The following RAB3B variants were observed in gnomAD, a reference collection of about 807,000 sequenced individuals.
The protein encoded by RAB3B is ras-related protein Rab-3B.
RAB3B carries 11 observed loss-of-function variants against 20.5 expected under a neutral mutation model. That is an observed-to-expected ratio of 0.54 (90% CI 0.34 to 0.89). RAB3B has a LOEUF of 0.89. RAB3B is among the 40% of genes least tolerant of loss of function. The pLI is 0.02. For synonymous variants in RAB3B, 99 were observed against 106.3 expected (o/e 0.93, Z 0.42); for missense variants, 225 against 280.9 (o/e 0.80, Z 1.42).
At chr1:51,986,960 C>A (rs942922931) in intron 1 of RAB3B, among the ~76,000 whole-genome samples, 2 of 152,326 alleles carry the variant, frequency 1.3e-5, no homozygotes, top group South Asian at 4.1e-4. Flanking sequence ...AAGCATCAAT[C>A]AAATCTTTCC....
intron 2 of RAB3B, among the ~76,000 whole-genome samples, chr1:51,963,255 C>T (rs1684806481): frequency 6.6e-6 from 1 of 152,144 alleles, no homozygotes; most frequent in Admixed American, 6.6e-5. Context: ...CTTGTAGATT[C>T]CCAGCATCAA....
chr1:51,956,943 A>G (rs190526677), intron 2 of RAB3B, among the ~76,000 whole-genome samples: 1 of 152,354 alleles, frequency 6.6e-6, no homozygotes, highest in East Asian at 1.9e-4. Context: ...CAAACTTCAC[A>G]GCCTTCCTAA....
At chr1:51,976,451 T>C (rs1458658510) in intron 2 of RAB3B, among the ~76,000 whole-genome samples, 2 of 152,184 alleles carry the variant, frequency 1.3e-5, no homozygotes, top group African/African-American at 2.4e-5. Flanking sequence ...ACATTTAGTG[T>C]GCATTTACTA....
intron 2 of RAB3B, among the ~76,000 whole-genome samples, chr1:51,952,674 TAAAGGAATGAAC>T (rs1470235045): frequency 6.7e-6 from 1 of 148,848 alleles, no homozygotes; most frequent in African/African-American, 2.5e-5. Flanking sequence ...AATAAATGAA[TAAAGGAATGAAC>T]AAAGGAATGA....
At chr1:51,924,293 G>T (rs898205808) in intron 4 of RAB3B, among the ~76,000 whole-genome samples, 1 of 152,124 alleles carries the variant, frequency 6.6e-6, no homozygotes, top group African/African-American at 2.4e-5. Flanking sequence ...AATATTACAG[G>T]GCAATAAGTG....
chr1:51,978,814 G>T (rs763651408), intron 1 of RAB3B, among the ~76,000 whole-genome samples: 15 of 152,188 alleles, frequency 9.9e-5, no homozygotes, highest in Non-Finnish European at 2.2e-4. Context: ...CAAAGAAAGG[G>T]CATGAGGCTG....
In RAB3B at chr1:51,985,444, G is replaced by T. The variant is rs188196660; in HGVS notation, c.-1+5108C>A. 2.7e-3 allele frequency among the ~76,000 whole-genome samples: 409 copies of T among 152,202 alleles called. 1 individual carries two copies. Among genetic ancestry groups the T allele is most frequent in the Non-Finnish European group, 5.0e-3 (338 of 68,022 alleles). The stretch of plus-strand genomic sequence containing the variant: ...TATCAGTGTAAATGTCAGATTACTG[G>T]TTTTCACTTTTCTGATGTAGCCCAG... On this transcript the variant is annotated intron_variant, in intron 1 of 4. Coordinates refer to ENST00000371655, the MANE Select transcript of RAB3B (RefSeq NM_002867.4).
chr1:51,978,077 T>G (rs1685033293), intron 1 of RAB3B, among the ~76,000 whole-genome samples: 1 of 152,188 alleles, frequency 6.6e-6, no homozygotes, highest in African/African-American at 2.4e-5. Flanking sequence ...CTCCTACCCA[T>G]CCTTGGAGAT....
At chr1:51,926,114 C>T (rs1257837300) in intron 4 of RAB3B, among the ~76,000 whole-genome samples, 2 of 152,206 alleles carry the variant, frequency 1.3e-5, no homozygotes, top group African/African-American at 4.8e-5. Context: ...AGGTCAAACC[C>T]TCAGAAGGGG....
In RAB3B at chr1:51,912,542, T is replaced by TAAAAAAAAAA. The variant is rs61590258; in HGVS notation, c.*7375_*7384dup. The stretch of plus-strand genomic sequence containing the variant: ...GGCAACATAGCAAGACCGTCTCTAT[T>TAAAAAAAAAA]AAAAAAAAAAAAATATATATATATA... On this transcript the variant is annotated 3_prime_UTR_variant, in exon 5 of 5. Transcript: ENST00000371655. 79 of 6,380 alleles carry TAAAAAAAAAA rather than the reference T, an allele frequency of 0.012. 24 individuals carry two copies. The highest frequency in any genetic ancestry group is 0.038 in the African/African-American group (47 of 1,252). The allele number at this position is 6,380 out of a possible 1,614,324, so 0.4% of individuals were successfully genotyped here.
rs1233478583 is a variant in RAB3B at position 51,910,781 on chromosome 1, C to T, written c.*9146G>A. The T allele has an allele frequency of 6.6e-6, 1 of 152,176 alleles. No homozygotes were observed. The highest frequency in any genetic ancestry group is 1.5e-5 in the Non-Finnish European group (1 of 68,042). 9.4% of individuals were successfully genotyped at this position (152,176 alleles called of 1,614,324 possible). On this transcript the variant is annotated 3_prime_UTR_variant, in exon 5 of 5. Transcript: ENST00000371655. ...GATAAGAATGACTTAACCCAAGCTG[C>T]ACAGCCTCTTAACAGTCCACTGTTA...
intron 1 of RAB3B, among the ~76,000 whole-genome samples, chr1:51,989,278 C>T (rs1003021846): frequency 2.8e-5 from 4 of 141,254 alleles, no homozygotes; most frequent in Non-Finnish European, 6.1e-5. Flanking sequence ...CATCTTTCTC[C>T]CACCTCCTCC....
chr1:51,937,197 T>C, intron 3 of RAB3B, 97 bp downstream of exon 3: 1 of 907,042 alleles, frequency 1.1e-6, no homozygotes. Context: ...CCATGTCTGA[T>C]TCATCTGGGC....
intron 2 of RAB3B, among the ~76,000 whole-genome samples, chr1:51,970,535 A>G (rs1488389732): frequency 6.6e-6 from 1 of 152,144 alleles, no homozygotes; most frequent in Non-Finnish European, 1.5e-5. Context: ...CAGAGATGAC[A>G]GAAATTCCTA....
At chr1:51,955,010 CG>C (rs1684689185) in intron 2 of RAB3B, among the ~76,000 whole-genome samples, 1 of 152,172 alleles carries the variant, frequency 6.6e-6, no homozygotes, top group African/African-American at 2.4e-5. Context: ...GCCTATCACC[CG>C]GAAGACATTC....
chr1:51,972,000 G>A (rs1435577194), intron 2 of RAB3B, among the ~76,000 whole-genome samples: 1 of 152,096 alleles, frequency 6.6e-6, no homozygotes, highest in African/African-American at 2.4e-5. Context: ...GGCCAACATG[G>A]TGAAACCCCA....
At chr1:51,934,727 G>A (rs1338691918) in intron 3 of RAB3B, among the ~76,000 whole-genome samples, 1 of 118,812 alleles carries the variant, frequency 8.4e-6, no homozygotes, top group African/African-American at 3.3e-5. Flanking sequence ...AGTGAGCCAA[G>A]ATCGCATCAC....
intron 1 of RAB3B, among the ~76,000 whole-genome samples, chr1:51,981,601 G>A: frequency 6.6e-6 from 1 of 152,104 alleles, no homozygotes; most frequent in East Asian, 1.9e-4. Flanking sequence ...ATATGTACAA[G>A]GTATAGGCTA....
intron 1 of RAB3B, among the ~76,000 whole-genome samples, chr1:51,981,154 C>T (rs1685083087): frequency 6.6e-6 from 1 of 152,160 alleles, no homozygotes; most frequent in Admixed American, 6.5e-5. Flanking sequence ...CCTCAGCCTC[C>T]CGAGTAGCTG....
Sources: allele counts gnomAD v4.1 joint callset (sites outside exome capture counted in the v4.1 genomes callset), GRCh38; gene constraint gnomAD v4.1.1; transcripts MANE v1.5; gene names NCBI Gene and HGNC (gene_info 2026-07-23, HGNC 2026-07-21).